Variants in HTR2A observed in about 807,000 individuals in gnomAD.
The protein encoded by HTR2A is 5-HT2 receptor.
A neutral mutation model predicts 31.0 loss-of-function variants in HTR2A; 14 were observed. The ratio of observed to expected loss-of-function variants is 0.45; its 90% CI spans 0.30 to 0.71. The LOEUF (loss-of-function observed/expected upper bound fraction) is 0.71, where lower values mean the gene tolerates loss of function less well. Among genes scored for constraint, HTR2A ranks in the 30% least tolerant of loss-of-function variants. HTR2A has a pLI of 0.09. For missense variants in HTR2A, 442 were observed against 573.3 expected, an observed-to-expected ratio of 0.77 and a Z score of 2.34; for synonymous variants, 209 against 225.2, an observed-to-expected ratio of 0.93 and a Z score of 0.64.
chr13:46,878,156 G>A (rs1019582104), intron 3 of HTR2A, among the ~76,000 whole-genome samples: 4 of 152,164 alleles, frequency 2.6e-5, no homozygotes, highest in Admixed American at 6.5e-5. Context: ...TAGAGAATGA[G>A]AGCAACAACC....
At chr13:46,889,656 A>C (rs1408497452) in intron 3 of HTR2A, among the ~76,000 whole-genome samples, 7 of 152,228 alleles carry the variant, frequency 4.6e-5, no homozygotes, top group Non-Finnish European at 8.8e-5. Flanking sequence ...AGTCTAAAAA[A>C]AGCTTTAGTT....
intron 1 of HTR2A, 132 bp from the exon 2 acceptor site, chr13:46,896,366 T>C: frequency 8.6e-6 from 4 of 465,976 alleles, no homozygotes; most frequent in Non-Finnish European, 1.3e-5. Flanking sequence ...ACAGTGGGGA[T>C]GTACACATTC....
chr13:46,887,872 C>T (rs535216071), intron 3 of HTR2A, among the ~76,000 whole-genome samples: 1 of 139,294 alleles, frequency 7.2e-6, no homozygotes, highest in Admixed American at 7.5e-5. Context: ...CGTGAGAACA[C>T]GTGGACACAT....
At chr13:46,877,057 C>A (rs558327904) in intron 3 of HTR2A, among the ~76,000 whole-genome samples, 37 of 152,166 alleles carry the variant, frequency 2.4e-4, no homozygotes, top group Non-Finnish European at 5.1e-4. Flanking sequence ...TCTAAACTTA[C>A]AAGTTGATGC....
At chr13:46,859,318 C>G (rs1027835699) in intron 3 of HTR2A, among the ~76,000 whole-genome samples, 10 of 152,276 alleles carry the variant, frequency 6.6e-5, no homozygotes, top group Non-Finnish European at 1.3e-4. Flanking sequence ...CTTCTCCAAA[C>G]AGGTCCTGTT....
intron 3 of HTR2A, among the ~76,000 whole-genome samples, chr13:46,880,575 A>G (rs959063975): frequency 5.3e-5 from 8 of 152,166 alleles, no homozygotes; most frequent in African/African-American, 1.9e-4. Flanking sequence ...ATGGTGGCTC[A>G]CACCTATAAT....
intron 3 of HTR2A, among the ~76,000 whole-genome samples, chr13:46,872,768 C>T (rs1950873275): frequency 6.6e-6 from 1 of 152,204 alleles, no homozygotes; most frequent in Non-Finnish European, 1.5e-5. Context: ...TAAAAGTCTG[C>T]TCCAATCCTA....
chr13:46,892,859 G>A (rs1223572549), intron 2 of HTR2A, among the ~76,000 whole-genome samples: 1 of 152,098 alleles, frequency 6.6e-6, no homozygotes, highest in Non-Finnish European at 1.5e-5. Flanking sequence ...TCTATTTGGG[G>A]GTTCTCTTTC....
At chr13:46,870,152 A>G (rs2138225854) in intron 3 of HTR2A, among the ~76,000 whole-genome samples, 1 of 152,292 alleles carries the variant, frequency 6.6e-6, no homozygotes, top group Non-Finnish European at 1.5e-5. Flanking sequence ...TTTTAAAACA[A>G]GAAAGTGAAG....
intron 3 of HTR2A, 118 bp downstream of exon 3, chr13:46,892,272 C>T: frequency 1.0e-6 from 1 of 952,998 alleles, no homozygotes; most frequent in Non-Finnish European, 1.7e-6. Context: ...ACATATCTTG[C>T]ACCACCCAAA....
chr13:46,844,177 C>A (rs1003276826), intron 3 of HTR2A, among the ~76,000 whole-genome samples: 1 of 152,070 alleles, frequency 6.6e-6, no homozygotes, highest in African/African-American at 2.4e-5. Context: ...ATATCTTTTT[C>A]TTTGTGTATT....
chr13:46,844,495 A>G (rs551253312), intron 3 of HTR2A, among the ~76,000 whole-genome samples: 1 of 152,340 alleles, frequency 6.6e-6, no homozygotes, highest in East Asian at 1.9e-4. Flanking sequence ...AGGCACATAT[A>G]GGATTAACCA....
Position 46,839,710 on chromosome 13 carries a change from T to C in HTR2A, c.614-4071A>G, listed in dbSNP as rs1298438593. ...ATTAGATCCTCTATGTAGCATTTTA[T>C]TCATTTCCATTGAAACTCAGACAAT... On this transcript the variant is annotated intron_variant, in intron 3 of 3. Transcript: ENST00000542664. 7.9e-5 allele frequency among the ~76,000 whole-genome samples: 12 copies of C among 152,206 alleles called. No individual in the cohort carries two copies. The East Asian group carries it at 2.3e-3, about 29-fold the overall frequency.
chr13:46,872,905 T>C (rs1950874991), intron 3 of HTR2A, among the ~76,000 whole-genome samples: 1 of 152,124 alleles, frequency 6.6e-6, no homozygotes, highest in South Asian at 2.1e-4. Context: ...TTATTATTAT[T>C]TTGAGATGGA....
chr13:46,867,368 C>G (rs1240833168), intron 3 of HTR2A, among the ~76,000 whole-genome samples: 5 of 152,112 alleles, frequency 3.3e-5, no homozygotes, highest in African/African-American at 9.7e-5. Flanking sequence ...TGAAGGTTAT[C>G]CAAATAACTT....
chr13:46,841,622 G>T (rs747991920), intron 3 of HTR2A, among the ~76,000 whole-genome samples: 9 of 152,096 alleles, frequency 5.9e-5, no homozygotes, highest in Non-Finnish European at 1.0e-4. Context: ...GTAAGCAGTT[G>T]TGCACTGCAG....
At chr13:46,876,495 C>T (rs1265653373) in intron 3 of HTR2A, among the ~76,000 whole-genome samples, 1 of 148,538 alleles carries the variant, frequency 6.7e-6, no homozygotes, top group Non-Finnish European at 1.5e-5. Context: ...CTGCAAGCTC[C>T]GCCTCCCGGG....
chr13:46,853,984 C>G (rs1268239909), intron 3 of HTR2A: 1 of 152,122 alleles, frequency 6.6e-6, no homozygotes, highest in Non-Finnish European at 1.5e-5. Context: ...ACTTTTGTAA[C>G]AGGACCTGAC....
Position 46,833,910 on chromosome 13 carries a change from T to G in HTR2A, c.*927A>C, listed in dbSNP as rs1036851852. ...CTACCACTGTCAGTAGCCGGAAACC[T>G]GAGTTCATCCTCAATCCTGACACAG... On this transcript the variant is annotated 3_prime_UTR_variant, in exon 4 of 4. Coordinates refer to ENST00000542664, the MANE Select transcript of HTR2A (RefSeq NM_000621.5). The G allele has an allele frequency of 4.6e-5, 7 of 152,328 alleles. No homozygotes were observed. Among genetic ancestry groups the G allele is most frequent in the Admixed American group, 3.9e-4 (6 of 15,298 alleles). 9.4% of individuals were successfully genotyped at this position (152,328 alleles called of 1,614,324 possible).
Sources: allele counts gnomAD v4.1 joint callset (sites outside exome capture counted in the v4.1 genomes callset), GRCh38; gene constraint gnomAD v4.1.1; transcripts MANE v1.5; gene names NCBI Gene and HGNC (gene_info 2026-07-23, HGNC 2026-07-21).